The following ANKS1B variants were observed in gnomAD, a reference collection of about 807,000 sequenced individuals.
ANKS1B encodes ankyrin repeat and sterile alpha motif domain-containing protein 1B.
Under a neutral mutation model 148.3 loss-of-function variants are expected in ANKS1B, and 36 were observed. The ratio of observed to expected loss-of-function variants is 0.24; its 90% confidence interval spans 0.19 to 0.32. ANKS1B has a LOEUF of 0.32. Among genes scored for constraint, ANKS1B ranks in the 10% least tolerant of loss-of-function variants. The pLI, the probability that ANKS1B is intolerant of heterozygous loss-of-function variation, is 1.00. For synonymous variants in ANKS1B, 542 were observed against 560.8 expected (o/e 0.97, Z 0.47); for missense variants, 1,157 against 1,542.6 (o/e 0.75, Z 4.19).
chr12:99,134,663 A>ACACG (rs2067348146), intron 15 of ANKS1B, among the ~76,000 whole-genome samples: 2 of 118,080 alleles, frequency 1.7e-5, no homozygotes, highest in African/African-American at 5.5e-5. Context: ...ACACACACAC[A>ACACG]CACACACACA....
intron 19 of ANKS1B, among the ~76,000 whole-genome samples, chr12:98,810,119 T>C (rs1230594953): frequency 1.3e-5 from 2 of 152,214 alleles, no homozygotes; most frequent in South Asian, 2.1e-4. Context: ...CAGATGCTGA[T>C]TGACCCTTAG....
intron 12 of ANKS1B, among the ~76,000 whole-genome samples, chr12:99,331,246 C>T (rs1332541857): frequency 4.6e-5 from 7 of 151,872 alleles, no homozygotes; most frequent in Middle Eastern, 3.2e-3. Context: ...TCTGGGTTTA[C>T]TTAACGTCCT....
At chr12:98,938,164 T>C (rs2099822289) in intron 17 of ANKS1B, among the ~76,000 whole-genome samples, 1 of 152,226 alleles carries the variant, frequency 6.6e-6, no homozygotes, top group Non-Finnish European at 1.5e-5. Flanking sequence ...GGTATGTATT[T>C]CATAAATATT....
At chr12:99,757,865 C>T (rs1294449257) in intron 8 of ANKS1B, among the ~76,000 whole-genome samples, 1 of 151,956 alleles carries the variant, frequency 6.6e-6, no homozygotes, top group Admixed American at 6.6e-5. Context: ...CACATATTCT[C>T]ACTTGTAAGT....
At chr12:99,766,859 A>T (rs537544335) in intron 8 of ANKS1B, among the ~76,000 whole-genome samples, 5 of 152,304 alleles carry the variant, frequency 3.3e-5, no homozygotes, top group African/African-American at 1.2e-4. Context: ...TGGGTAAGAT[A>T]GCCACGAAGC....
At position 99,186,466 on chromosome 12, in the gene ANKS1B, G is replaced by A. The variant is rs116435250; in HGVS notation, c.2420-32071C>T. On this transcript the variant is annotated intron_variant, in intron 14 of 26. Transcript: ENST00000683438. ...TGAGAGATACCTCCCAGCAGGAGTCGACAGACACCTCACACAGGAGAGCTC... is the reference window on the plus strand; with the variant it reads ...TGAGAGATACCTCCCAGCAGGAGTCAACAGACACCTCACACAGGAGAGCTC... Among the ~76,000 whole-genome samples the A allele has an allele frequency of 4.9e-3, 742 of 152,248 alleles. 7 individuals are homozygous for A. The highest frequency in any genetic ancestry group is 0.016 in the African/African-American group (679 of 41,548).
chr12:98,762,014 G>C (rs1183099659), intron 25 of ANKS1B, among the ~76,000 whole-genome samples: 1 of 152,206 alleles, frequency 6.6e-6, no homozygotes, highest in Non-Finnish European at 1.5e-5. Flanking sequence ...TGCAGGCCCA[G>C]ACAGGGGTCA....
intron 1 of ANKS1B, among the ~76,000 whole-genome samples, chr12:99,958,400 T>A (rs1219816508): frequency 6.6e-6 from 1 of 152,150 alleles, no homozygotes; most frequent in East Asian, 1.9e-4. Flanking sequence ...GGGGGTTTTT[T>A]GAGACAGGGT....
At chr12:99,472,008 T>A (rs2096249806) in intron 10 of ANKS1B, among the ~76,000 whole-genome samples, 2 of 152,142 alleles carry the variant, frequency 1.3e-5, no homozygotes, top group South Asian at 4.1e-4. Context: ...GAGTCCTATA[T>A]GACATATTTT....
intron 12 of ANKS1B, among the ~76,000 whole-genome samples, chr12:99,319,819 G>A (rs912223469): frequency 2.0e-5 from 3 of 152,200 alleles, no homozygotes; most frequent in Non-Finnish European, 4.4e-5. Flanking sequence ...CATTTTTGCA[G>A]TGGCTGGTAC....
intron 9 of ANKS1B, among the ~76,000 whole-genome samples, chr12:99,530,299 T>C (rs2096974935): frequency 6.6e-6 from 1 of 152,216 alleles, no homozygotes; most frequent in African/African-American, 2.4e-5. Context: ...CTACATAGAC[T>C]GGCATCAGGT....
rs140271645 is a variant in ANKS1B at position 99,321,499 on chromosome 12, C to T, written c.1757-74635G>A. On this transcript the variant is annotated intron_variant, in intron 12 of 26. Coordinates refer to ENST00000683438, the MANE Select transcript of ANKS1B (RefSeq NM_001352186.2). ...GAGGCTCCATGGGCATGGGACCCTCCGAGCCAAGTGCCGGATATAATCTAC... is the reference window on the plus strand; with the variant it reads ...GAGGCTCCATGGGCATGGGACCCTCTGAGCCAAGTGCCGGATATAATCTAC... Among the ~76,000 whole-genome samples, 963 of 152,316 alleles carry T rather than the reference C, an allele frequency of 6.3e-3. 7 individuals carry two copies. Among genetic ancestry groups the T allele is most frequent in the African/African-American group, 0.022 (918 of 41,578 alleles).
chr12:99,104,590 T>C (rs1394902742), intron 15 of ANKS1B: 1 of 152,210 alleles, frequency 6.6e-6, no homozygotes, highest in Non-Finnish European at 1.5e-5. Flanking sequence ...ATAGGCATCG[T>C]TGCACTTGGT....
At chr12:99,607,105 G>A (rs2097856698) in intron 9 of ANKS1B, among the ~76,000 whole-genome samples, 2 of 152,126 alleles carry the variant, frequency 1.3e-5, no homozygotes, top group South Asian at 4.2e-4. Flanking sequence ...GTTAGGCCAG[G>A]GAGGATGGGG....
chr12:99,749,529 T>C (rs1302308893), intron 8 of ANKS1B, among the ~76,000 whole-genome samples: 4 of 152,074 alleles, frequency 2.6e-5, no homozygotes, highest in African/African-American at 9.7e-5. Context: ...TCAGTTTGAA[T>C]TGGTTTTGAA....
At chr12:99,608,569 T>G (rs530131473) in intron 9 of ANKS1B, among the ~76,000 whole-genome samples, 62 of 151,734 alleles carry the variant, frequency 4.1e-4, no homozygotes, top group African/African-American at 1.4e-3. Context: ...AATCCAAAAG[T>G]CAAATGCCTT....
At chr12:99,979,666 A>AGTTTTG (rs2095670040) in intron 1 of ANKS1B, among the ~76,000 whole-genome samples, 1 of 152,154 alleles carries the variant, frequency 6.6e-6, no homozygotes, top group Non-Finnish European at 1.5e-5. Flanking sequence ...GCCAGAAACA[A>AGTTTTG]GCCATAATAA....
In ANKS1B at chr12:99,642,326, G is replaced by T. The variant is rs551159771; in HGVS notation, c.1272+12741C>A. Among the ~76,000 whole-genome samples the T allele has an allele frequency of 3.3e-5, 5 of 150,916 alleles. 1 individual carries two copies. The highest frequency in any genetic ancestry group is 1.2e-4 in the African/African-American group (5 of 41,240). On this transcript the variant is annotated intron_variant, in intron 9 of 26. Transcript: ENST00000683438. The stretch of plus-strand genomic sequence containing the variant: ...CTCCTTGAGTGCATCTATGAGAGAT[G>T]AAATGTCTACTGACCTAATTTCTGT...
At chr12:99,493,375 G>A (rs1358130272) in intron 10 of ANKS1B, among the ~76,000 whole-genome samples, 1 of 149,090 alleles carries the variant, frequency 6.7e-6, no homozygotes, top group African/African-American at 2.6e-5. Flanking sequence ...AGAATCTCTG[G>A]GACACACCTA....
Sources: gnomAD v4.1 joint callset for allele counts (sites outside exome capture counted in the v4.1 genomes callset) on GRCh38, gnomAD v4.1.1 for gene constraint, MANE v1.5 for transcripts, NCBI Gene and HGNC (gene_info 2026-07-23, HGNC 2026-07-21) for gene names.